The following GALNT5 variants were observed in gnomAD, a reference collection of about 807,000 sequenced individuals.
GALNT5 encodes the protein polypeptide N-acetylgalactosaminyltransferase 5.
In GALNT5, 72 loss-of-function variants were observed where a neutral mutation model predicts 85.4. The observed-to-expected ratio is 0.84, with a 90% CI of 0.70 to 1.03. The LOEUF is 1.03. Ranked by LOEUF, GALNT5 falls within the 50% of genes least tolerant of loss-of-function variation. The probability of loss-of-function intolerance (pLI) is 0.00; values close to 1 mark genes in which losing one functional copy is unlikely to be tolerated. For synonymous variants in GALNT5, 404 were observed against 397.0 expected (o/e 1.02, Z -0.21); for missense variants, 1,137 against 1,135.5 (o/e 1.00, Z -0.02).
At chr2:157,265,479 G>C (rs1460545243) in intron 1 of GALNT5, among the ~76,000 whole-genome samples, 1 of 152,208 alleles carries the variant, frequency 6.6e-6, no homozygotes. Context: ...AAATGTTAAA[G>C]TGAATTCCTG....
chr2:157,307,924 C>T (rs6725301), intron 8 of GALNT5, among the ~76,000 whole-genome samples: 124,078 of 152,152 alleles, frequency 0.82, 51,951 homozygotes, highest in South Asian at 0.92. Flanking sequence ...TGAATTGGTA[C>T]TTATTTTAGA....
intron 2 of GALNT5, among the ~76,000 whole-genome samples, chr2:157,285,086 G>C (rs1682941802): frequency 6.6e-6 from 1 of 152,308 alleles, no homozygotes; most frequent in African/African-American, 2.4e-5. Flanking sequence ...TTCCCAAATG[G>C]AACCCATTTT....
intron 1 of GALNT5, among the ~76,000 whole-genome samples, chr2:157,261,211 A>G (rs1682333530): frequency 6.6e-6 from 1 of 151,904 alleles, no homozygotes; most frequent in African/African-American, 2.4e-5. Flanking sequence ...GCTGCTAGGG[A>G]GTCTGGGGAG....
Position 157,259,532 on chromosome 2 carries a change from G to A in GALNT5, c.1450G>A (p.Ala484Thr). 2 of 1,339,148 alleles carry A rather than the reference G, an allele frequency of 1.5e-6. No individual in the cohort carries two copies. The highest frequency in any genetic ancestry group is 9.7e-7 in the Non-Finnish European group (1 of 1,035,792). 83.0% of individuals were successfully genotyped at this position (1,339,148 alleles called of 1,614,324 possible). ...TAGAGCCATTGAAGACACCAGACCT[G>A]CTGGGTAAGACCTATTTCTCTTCTC... ...VDRAIEDTRP[A>T]GCAEQLVHNN... The change falls in exon 1 of 10, where the codon GCT (alanine) becomes ACT (threonine). Residue 484 changes from alanine to threonine, a missense_variant. Coordinates refer to ENST00000259056, the MANE Select transcript of GALNT5 (RefSeq NM_014568.3).
intron 3 of GALNT5, among the ~76,000 whole-genome samples, chr2:157,294,909 C>G (rs1455562892): frequency 6.6e-6 from 1 of 151,296 alleles, no homozygotes; most frequent in Non-Finnish European, 1.5e-5. Context: ...CTTCACACAA[C>G]TAACAGGGAA....
intron 3 of GALNT5, among the ~76,000 whole-genome samples, chr2:157,291,285 G>A (rs1276709588): frequency 6.6e-6 from 1 of 152,092 alleles, no homozygotes; most frequent in East Asian, 1.9e-4. Flanking sequence ...ATTTCTATGA[G>A]CATTCTAAAT....
intron 3 of GALNT5, among the ~76,000 whole-genome samples, chr2:157,287,446 C>T (rs1210063530): frequency 6.6e-6 from 1 of 152,094 alleles, no homozygotes; most frequent in African/African-American, 2.4e-5. Context: ...CTCTCATCCC[C>T]TCATCGATAT....
At chr2:157,293,503 A>T (rs11890241) in intron 3 of GALNT5, among the ~76,000 whole-genome samples, 1 of 152,122 alleles carries the variant, frequency 6.6e-6, no homozygotes, top group South Asian at 2.1e-4. Flanking sequence ...TGACACGTAC[A>T]TTCAGACCAT....
Position 157,299,608 on chromosome 2 carries a change from A to G in GALNT5, c.2058A>G (p.Gly686=), listed in dbSNP as rs1365021416. 3 of 1,613,458 alleles carry G rather than the reference A, an allele frequency of 1.9e-6. No homozygotes were observed. In the Admixed American group the frequency reaches 5.0e-5, roughly 27 times the overall value. Reference sequence around the variant, plus strand: ...ACAAAAGTTACTTTTTTGAACTTGGAACATACGACCCTGGCCTTGATGTTT... The same window carrying G: ...ACAAAAGTTACTTTTTTGAACTTGGGACATACGACCCTGGCCTTGATGTTT... ...SIDKSYFFEL[G]TYDPGLDVWG... The change falls in exon 6 of 10, where the codon GGA becomes GGG. Residue 686 remains glycine, a synonymous_variant. Coordinates refer to ENST00000259056, the MANE Select transcript of GALNT5 (RefSeq NM_014568.3).
intron 3 of GALNT5, among the ~76,000 whole-genome samples, chr2:157,294,915 G>A (rs963855023): frequency 2.6e-5 from 4 of 151,646 alleles, no homozygotes; most frequent in African/African-American, 9.7e-5. Context: ...ACAACTAACA[G>A]GGAAATAAAA....
chr2:157,299,707 T>C (rs777845240), intron 6 of GALNT5, 42 bp downstream of exon 6: 3 of 1,021,696 alleles, frequency 2.9e-6, no homozygotes, highest in Non-Finnish European at 4.6e-6. Flanking sequence ...CGATAATGAG[T>C]TAATCAATTT....
At chr2:157,310,466 C>G (rs149773791) in intron 9 of GALNT5, among the ~76,000 whole-genome samples, 1,673 of 152,206 alleles carry the variant, frequency 0.011, 34 homozygotes, top group African/African-American at 0.038. Flanking sequence ...ACTTTTGTAG[C>G]AGCAATCTTT....
Position 157,259,042 on chromosome 2 carries a change from C to G in GALNT5, c.960C>G (p.Ser320Arg). 2.7e-6 allele frequency: 4 copies of G among 1,473,284 alleles called. No homozygotes were observed. The highest frequency in any genetic ancestry group is 2.7e-6 in the Non-Finnish European group (3 of 1,110,300). The allele number at this position is 1,473,284 out of a possible 1,614,324, so 91.3% of individuals were successfully genotyped here. The stretch of plus-strand genomic sequence containing the variant: ...GGAAGAAACTCAATTTCTCTGAAAG[C>G]CATCTTGTGATTATAACCAAAGAGG... ...AHGKKLNFSESHLVIITKEEE... is the reference protein window; with the variant it reads ...AHGKKLNFSERHLVIITKEEE... Residue 320 changes from serine to arginine, a missense_variant, in exon 1 of 10, where the codon AGC (serine) becomes AGG (arginine). Physicochemically the swap from Ser to Arg is moderately radical, Grantham distance 110. Coordinates refer to ENST00000259056, the MANE Select transcript of GALNT5 (RefSeq NM_014568.3).
At chr2:157,272,015 T>C (rs1299580072) in intron 1 of GALNT5, among the ~76,000 whole-genome samples, 1 of 152,074 alleles carries the variant, frequency 6.6e-6, no homozygotes, top group Admixed American at 6.5e-5. Context: ...GGGTGAAAAC[T>C]AGGAGGGTGT....
intron 1 of GALNT5, among the ~76,000 whole-genome samples, chr2:157,280,671 T>C (rs1682836262): frequency 6.6e-6 from 1 of 152,146 alleles, no homozygotes; most frequent in African/African-American, 2.4e-5. Context: ...AGCCAAGTGA[T>C]ATGGTTTGGA....
chr2:157,300,796 G>C lies in GALNT5; in HGVS notation c.2236G>C (p.Val746Leu). ...DRMKTVERNLVRVAEVWLDEY... is the reference protein window; with the variant it reads ...DRMKTVERNLLRVAEVWLDEY... ...GATGAAGACAGTGGAGCGGAACTTG[G>C]TGCGGGTTGCCGAGGTCTGGCTGGA... The change falls in exon 7 of 10, where the codon GTG (valine) becomes CTG (leucine). Residue 746 changes from valine (V) to leucine (L), a missense_variant. Transcript: ENST00000259056. 6.2e-7 allele frequency: 1 copy of C among 1,614,112 alleles called. No homozygotes were observed. Among genetic ancestry groups the C allele is most frequent in the Middle Eastern group, 1.6e-4 (1 of 6,062 alleles).
chr2:157,262,880 C>T (rs527970319), intron 1 of GALNT5, among the ~76,000 whole-genome samples: 7 of 130,050 alleles, frequency 5.4e-5, no homozygotes, highest in Admixed American at 9.1e-5. Flanking sequence ...CCAGGCTGAG[C>T]GCAGTGGTGC....
chr2:157,313,573 T>C lies in GALNT5; in HGVS notation c.*2225T>C, dbSNP rs1683624742. The C allele has an allele frequency of 6.6e-6, 1 of 152,206 alleles. No individual in the cohort carries two copies. Among genetic ancestry groups the C allele is most frequent in the African/African-American group, 2.4e-5 (1 of 41,456 alleles). The allele number at this position is 152,206 out of a possible 1,614,324, so 9.4% of individuals were successfully genotyped here. A position where few individuals can be genotyped will look rare whatever the true frequency, so the allele number is the denominator to read the frequency against. On this transcript the variant is annotated 3_prime_UTR_variant, in exon 10 of 10. Transcript: ENST00000259056. ...GCTAGGTGCCTCATGTAATTCTTCA[T>C]GTAACTAAAAAATGTTGAGAGGTTT...
At chr2:157,272,020 G>A (rs1682595570) in intron 1 of GALNT5, among the ~76,000 whole-genome samples, 4 of 152,138 alleles carry the variant, frequency 2.6e-5, no homozygotes, top group African/African-American at 4.8e-5. Flanking sequence ...AAAACTAGGA[G>A]GGTGTAGTGT....
Sources: gnomAD v4.1 joint callset for allele counts (sites outside exome capture counted in the v4.1 genomes callset) on GRCh38, gnomAD v4.1.1 for gene constraint, MANE v1.5 for transcripts, NCBI Gene and HGNC (gene_info 2026-07-23, HGNC 2026-07-21) for gene names.